The following KAZN variants were observed in gnomAD, a reference collection of about 807,000 sequenced individuals.
The protein encoded by KAZN is kazrin.
Under a neutral mutation model 87.4 loss-of-function variants are expected in KAZN, and 40 were observed. That is an observed-to-expected ratio of 0.46 (90% CI 0.36 to 0.60). The LOEUF (loss-of-function observed/expected upper bound fraction) is 0.60. KAZN is among the 20% of genes least tolerant of loss of function. The pLI, the probability that KAZN is intolerant of heterozygous loss-of-function variation, is 0.00. For missense variants in KAZN, 898 were observed against 1,073.9 expected (o/e 0.84, Z 2.29); for synonymous variants, 466 against 458.3 (o/e 1.02, Z -0.22).
At chr1:13,916,152 G>T (rs1197036168) in intron 1 of KAZN, among the ~76,000 whole-genome samples, 3 of 152,168 alleles carry the variant, frequency 2.0e-5, no homozygotes, top group African/African-American at 4.8e-5. Flanking sequence ...GGGTCCTCTT[G>T]GGTGAGGTGC....
intron 1 of KAZN, among the ~76,000 whole-genome samples, chr1:14,855,918 C>T (rs912586050): frequency 1.4e-4 from 21 of 152,276 alleles, no homozygotes; most frequent in Middle Eastern, 3.4e-3. Context: ...ACAGAGGGAG[C>T]GGCTGCTTAC....
chr1:14,169,311 CCCCTT>C (rs749051255), intron 1 of KAZN, among the ~76,000 whole-genome samples: 1 of 152,156 alleles, frequency 6.6e-6, no homozygotes, highest in Non-Finnish European at 1.5e-5. Context: ...CCCCTCCCCT[CCCCTT>C]CCTTCCCTGC....
At chr1:14,772,216 C>A (rs1645039079) in intron 1 of KAZN, among the ~76,000 whole-genome samples, 2 of 152,138 alleles carry the variant, frequency 1.3e-5, no homozygotes, top group South Asian at 4.1e-4. Flanking sequence ...GGTGCGGTGG[C>A]TCACGCCTGT....
chr1:14,915,765 T>C (rs1657746601), intron 1 of KAZN, among the ~76,000 whole-genome samples: 1 of 152,300 alleles, frequency 6.6e-6, no homozygotes, highest in Non-Finnish European at 1.5e-5. Flanking sequence ...CCTTTTTGTC[T>C]CCCTAAACCT....
intron 2 of KAZN, among the ~76,000 whole-genome samples, chr1:14,286,074 T>C (rs1331338200): frequency 6.6e-6 from 1 of 152,186 alleles, no homozygotes; most frequent in Non-Finnish European, 1.5e-5. Flanking sequence ...TCTGTATTAG[T>C]TTGCTGGAAT....
chr1:14,082,089 T>C (rs1054618248), intron 1 of KAZN, among the ~76,000 whole-genome samples: 1 of 152,188 alleles, frequency 6.6e-6, no homozygotes, highest in Non-Finnish European at 1.5e-5. Context: ...CTGTTCCTTC[T>C]AGCATCTCTC....
At chr1:14,798,054 GA>G (rs1645885122) in intron 1 of KAZN, among the ~76,000 whole-genome samples, 1 of 152,134 alleles carries the variant, frequency 6.6e-6, no homozygotes, top group Non-Finnish European at 1.5e-5. Context: ...GAGAGGTTAA[GA>G]AAACTGTCTG....
chr1:14,205,082 A>T (rs1442351001), intron 2 of KAZN, among the ~76,000 whole-genome samples: 1 of 152,170 alleles, frequency 6.6e-6, no homozygotes. Context: ...TTCATTCAGG[A>T]GGCAGATGGG....
intron 2 of KAZN, among the ~76,000 whole-genome samples, chr1:14,472,187 A>G (rs1668492566): frequency 6.6e-6 from 1 of 152,206 alleles, no homozygotes; most frequent in Non-Finnish European, 1.5e-5. Context: ...TCAGGTCCTG[A>G]AAGGCCCCAC....
At chr1:14,442,061 T>TC (rs1213985309) in intron 2 of KAZN, among the ~76,000 whole-genome samples, 1 of 152,126 alleles carries the variant, frequency 6.6e-6, no homozygotes, top group East Asian at 1.9e-4. Flanking sequence ...CTAGGCTTTG[T>TC]CCCCCTGCAG....
At chr1:15,039,580 A>G (rs1317666624) in intron 3 of KAZN, among the ~76,000 whole-genome samples, 3 of 152,150 alleles carry the variant, frequency 2.0e-5, no homozygotes, top group African/African-American at 7.2e-5. Context: ...ATGATATATC[A>G]AATTTGTTTT....
chr1:14,905,712 C>T (rs1460214978), intron 1 of KAZN, among the ~76,000 whole-genome samples: 9 of 151,036 alleles, frequency 6.0e-5, no homozygotes, highest in Admixed American at 5.9e-4. Context: ...GGCATGGTGG[C>T]ACGTGCCTGT....
chr1:14,508,368 A>G (rs772491929), intron 2 of KAZN, among the ~76,000 whole-genome samples: 9 of 152,144 alleles, frequency 5.9e-5, no homozygotes, highest in Non-Finnish European at 1.3e-4. Flanking sequence ...ATGACTTAGA[A>G]GGATCTTCTC....
At chr1:13,950,374 GGT>G (rs1383348450) in intron 1 of KAZN, among the ~76,000 whole-genome samples, 2 of 152,154 alleles carry the variant, frequency 1.3e-5, no homozygotes, top group African/African-American at 4.8e-5. Flanking sequence ...GGGATTTGAT[GGT>G]CTCTCCTATC....
At chr1:13,926,595 A>C (rs1164867353) in intron 1 of KAZN, among the ~76,000 whole-genome samples, 1 of 148,512 alleles carries the variant, frequency 6.7e-6, no homozygotes, top group Admixed American at 6.7e-5. Flanking sequence ...CCTTGTTATT[A>C]ATGAGTAAAA....
chr1:13,958,467 G>A (rs1353195844), intron 1 of KAZN, among the ~76,000 whole-genome samples: 6 of 151,636 alleles, frequency 4.0e-5, no homozygotes, highest in Admixed American at 2.0e-4. Flanking sequence ...CCAGCTATTC[G>A]GGAGGCTGAG....
At chr1:14,158,311 T>G (rs886619279) in intron 1 of KAZN, among the ~76,000 whole-genome samples, 1 of 152,174 alleles carries the variant, frequency 6.6e-6, no homozygotes, top group Admixed American at 6.5e-5. Context: ...TTCTTTTGTT[T>G]CCTCTGTCAG....
At chr1:14,798,153 T>A (rs900298698) in intron 1 of KAZN, among the ~76,000 whole-genome samples, 2 of 152,146 alleles carry the variant, frequency 1.3e-5, no homozygotes, top group African/African-American at 4.8e-5. Flanking sequence ...TACACAGTTT[T>A]GGGTCACCTG....
At chr1:15,109,929 G>A (rs62653716) in intron 13 of KAZN, among the ~76,000 whole-genome samples, 28 of 7,734 alleles carry the variant, frequency 3.6e-3, no homozygotes, top group African/African-American at 8.6e-3. Flanking sequence ...GTATGGGTGT[G>A]TGTGTGTGTG....
Sources: allele counts gnomAD v4.1 joint callset (sites outside exome capture counted in the v4.1 genomes callset), GRCh38; gene constraint gnomAD v4.1.1; transcripts MANE v1.5; gene names NCBI Gene and HGNC (gene_info 2026-07-23, HGNC 2026-07-21).